ESR1: variants seen among roughly 807,000 people sequenced by gnomAD.
The protein encoded by ESR1 is estrogen receptor.
A neutral mutation model predicts 52.7 loss-of-function variants in ESR1; 12 were observed. The ratio of observed to expected loss-of-function variants is 0.23; its 90% CI spans 0.15 to 0.37. The LOEUF is 0.37. Among genes scored for constraint, ESR1 ranks in the 10% least tolerant of loss-of-function variants. The pLI is 1.00. For missense variants in ESR1, 584 were observed against 779.7 expected, an observed-to-expected ratio of 0.75 and a Z score of 2.99; for synonymous variants, 305 against 316.8, an observed-to-expected ratio of 0.96 and a Z score of 0.39.
chr6:151,783,137 C>G lies in ESR1; in HGVS notation c.-70-24706C>G, dbSNP rs529962093. Among the ~76,000 whole-genome samples the G allele has an allele frequency of 3.4e-4, 52 of 152,370 alleles. No individual in the cohort carries two copies. The Middle Eastern group carries it at 0.017, about 50-fold the overall frequency. ...GACACTGCAATGACTGTCACAGTGA[C>G]TTGTGCTCGGTTGAGGAGCAAGTGG... On this transcript the variant is annotated intron_variant, in intron 2 of 2. Coordinates refer to the ESR1 transcript ENST00000404742.
chr6:151,789,795 G>T (rs891908613), intron 2 of ESR1, among the ~76,000 whole-genome samples: 1 of 152,112 alleles, frequency 6.6e-6, no homozygotes, highest in Admixed American at 6.5e-5. Flanking sequence ...ATACAAGCCC[G>T]CTGCCTGCAG....
rs576569567 is a variant in ESR1, at chr6:151,990,864, A to G, written c.1097-20792A>G. On this transcript the variant is annotated intron_variant, in intron 4 of 7. Transcript: ENST00000206249. ...CCTTCCACTTTTAATTCTATAGTTT[A>G]ATTTGCCTATCTGCTACATATTATA... Among the ~76,000 whole-genome samples, 23 of 152,270 alleles carry G rather than the reference A, an allele frequency of 1.5e-4. 1 individual carries two copies. The South Asian group carries it at 4.8e-3, about 32-fold the overall frequency.
chr6:151,696,575 GGAAGTGCCT>G (rs1779367320), intron 1 of ESR1, among the ~76,000 whole-genome samples: 1 of 151,990 alleles, frequency 6.6e-6, no homozygotes, highest in Non-Finnish European at 1.5e-5. Flanking sequence ...CTGTGCCTTG[GGAAGTGCCT>G]GGTACACACT....
At chr6:151,714,414 C>T (rs1780861680) in intron 2 of ESR1, among the ~76,000 whole-genome samples, 1 of 152,112 alleles carries the variant, frequency 6.6e-6, no homozygotes, top group African/African-American at 2.4e-5. Context: ...TCTCATTGAT[C>T]TGTTTAATAT....
At chr6:151,685,271 C>T (rs851992) in intron 1 of ESR1, among the ~76,000 whole-genome samples, 63,077 of 150,214 alleles carry the variant, frequency 0.42, 13,766 homozygotes, top group Non-Finnish European at 0.47. Flanking sequence ...GTAGCTGGGA[C>T]TACAGGCGCC....
At chr6:151,956,855 T>TTG (rs2037019695) in intron 4 of ESR1, among the ~76,000 whole-genome samples, 1 of 81,394 alleles carries the variant, frequency 1.2e-5, no homozygotes, top group South Asian at 3.3e-4. Flanking sequence ...TATATATATA[T>TTG]ATATATAAAT....
intron 3 of ESR1, 41 bp from the exon 4 acceptor site, chr6:151,944,132 G>GA: frequency 6.4e-7 from 1 of 1,559,026 alleles, no homozygotes. Flanking sequence ...GTTTACACGG[G>GA]AAAAAAATAA....
chr6:152,019,568 G>A (rs1012308261), intron 5 of ESR1, among the ~76,000 whole-genome samples: 3 of 152,166 alleles, frequency 2.0e-5, no homozygotes, highest in African/African-American at 7.2e-5. Flanking sequence ...TGCTGTGTAG[G>A]AGGTTAATTT....
chr6:152,050,232 T>A (rs1218692811), intron 5 of ESR1, among the ~76,000 whole-genome samples: 1 of 152,220 alleles, frequency 6.6e-6, no homozygotes, highest in Non-Finnish European at 1.5e-5. Context: ...CTGAGAACTT[T>A]ACATTTCTAA....
chr6:152,012,711 G>A (rs1482184180), intron 5 of ESR1, among the ~76,000 whole-genome samples: 11 of 152,176 alleles, frequency 7.2e-5, no homozygotes, highest in African/African-American at 2.7e-4. Flanking sequence ...TGCTGCCATA[G>A]CATTCTGTTT....
At chr6:151,765,772 T>C (rs1583187265) in intron 2 of ESR1, among the ~76,000 whole-genome samples, 1 of 152,354 alleles carries the variant, frequency 6.6e-6, no homozygotes, top group Middle Eastern at 3.4e-3. Flanking sequence ...TCTATTGTTA[T>C]TCTGCACAGA....
intron 2 of ESR1, among the ~76,000 whole-genome samples, chr6:151,791,861 A>C (rs1776189896): frequency 6.6e-6 from 1 of 152,244 alleles, no homozygotes; most frequent in Admixed American, 6.5e-5. Flanking sequence ...TTTTATCTAC[A>C]CAAAGTTAGA....
intron 1 of ESR1, among the ~76,000 whole-genome samples, chr6:151,685,107 C>CTTTTTTTTTTTTTTTTTT (rs772122906): frequency 1.4e-5 from 1 of 72,950 alleles, no homozygotes; most frequent in Non-Finnish European, 2.5e-5. Flanking sequence ...ACACTGGCCT[C>CTTTTTTTTTTTTTTTTTT]TTTTTTTTTT....
At chr6:151,766,420 G>A (rs769225492) in intron 2 of ESR1, among the ~76,000 whole-genome samples, 2 of 152,232 alleles carry the variant, frequency 1.3e-5, no homozygotes, top group Non-Finnish European at 2.9e-5. Context: ...AGCGGAGGTT[G>A]CAGTGAGCCA....
intron 6 of ESR1, among the ~76,000 whole-genome samples, chr6:152,091,086 G>A (rs1333008047): frequency 6.6e-6 from 1 of 152,242 alleles, no homozygotes; most frequent in Non-Finnish European, 1.5e-5. Context: ...GCACAGTGGT[G>A]TGGCCATCCA....
chr6:151,794,767 C>A (rs575916614), intron 2 of ESR1, among the ~76,000 whole-genome samples: 3 of 152,106 alleles, frequency 2.0e-5, no homozygotes, highest in Non-Finnish European at 4.4e-5. Context: ...CTGGTGTTAA[C>A]GTTCTCCACA....
intron 5 of ESR1, among the ~76,000 whole-genome samples, chr6:152,023,480 C>T (rs1469165704): frequency 6.6e-6 from 1 of 152,064 alleles, no homozygotes; most frequent in Non-Finnish European, 1.5e-5. Context: ...AAAGACAAAT[C>T]CTAAATATCA....
At chr6:151,853,846 G>T (rs1408877915) in intron 2 of ESR1, among the ~76,000 whole-genome samples, 1 of 152,104 alleles carries the variant, frequency 6.6e-6, no homozygotes, top group East Asian at 1.9e-4. Flanking sequence ...AGTAGAGTTT[G>T]TGCCCACATA....
intron 2 of ESR1, among the ~76,000 whole-genome samples, chr6:151,732,636 T>G (rs556421985): frequency 6.6e-6 from 1 of 152,240 alleles, no homozygotes; most frequent in South Asian, 2.1e-4. Context: ...GACCTATTGC[T>G]TTTTAAGAGC....
Sources: allele counts gnomAD v4.1 joint callset (sites outside exome capture counted in the v4.1 genomes callset), GRCh38; gene constraint gnomAD v4.1.1; transcripts MANE v1.5; gene names NCBI Gene and HGNC (gene_info 2026-07-23, HGNC 2026-07-21).